Variants in SCN2A observed in about 807,000 individuals in gnomAD.
The protein encoded by SCN2A is sodium voltage-gated channel alpha subunit 2, also known as sodium channel protein type 2 subunit alpha.
A neutral mutation model predicts 188.7 loss-of-function variants in SCN2A; 20 were observed. That is an observed-to-expected ratio of 0.11 (90% CI 0.07 to 0.15). The LOEUF is 0.15. Ranked by LOEUF, SCN2A falls within the 10% of genes least tolerant of loss-of-function variation. The pLI is 1.00. For missense variants in SCN2A, 1,278 were observed against 2,445.0 expected, an observed-to-expected ratio of 0.52 and a Z score of 10.07; for synonymous variants, 804 against 833.1, an observed-to-expected ratio of 0.97 and a Z score of 0.60.
intron 11 of SCN2A, among the ~76,000 whole-genome samples, chr2:165,317,337 A>G (rs937865885): frequency 5.7e-4 from 87 of 151,608 alleles, no homozygotes; most frequent in African/African-American, 1.9e-3. Flanking sequence ...GTCATTCTGA[A>G]AAGGAAGGAA....
chr2:165,316,032 C>T (rs1241119142), intron 11 of SCN2A, among the ~76,000 whole-genome samples: 1 of 152,150 alleles, frequency 6.6e-6, no homozygotes, highest in African/African-American at 2.4e-5. Context: ...AAATTTTCCA[C>T]ATCAGGAATT....
intron 14 of SCN2A, among the ~76,000 whole-genome samples, chr2:165,336,442 A>T (rs1698996565): frequency 6.6e-6 from 1 of 151,998 alleles, no homozygotes; most frequent in Non-Finnish European, 1.5e-5. Flanking sequence ...ACATGAATAA[A>T]CCTTGAATAT....
intron 11 of SCN2A, among the ~76,000 whole-genome samples, chr2:165,316,619 C>T (rs1241827435): frequency 6.6e-6 from 1 of 152,090 alleles, no homozygotes; most frequent in Non-Finnish European, 1.5e-5. Context: ...TTGTTATTTG[C>T]AATATTAATG....
In SCN2A at chr2:165,323,179, C is replaced by A. The variant is rs267598960; in HGVS notation, c.1695C>A (p.Ser565=). ...PHQSLLSIRG[S]LFSPRRNSRA... ...AGTCCTTACTGAGCATCCGTGGCTC[C>A]CTTTTCTCTCCAAGACGCAACAGTA... The change falls in exon 12 of 27, where the codon TCC becomes TCA. Residue 565 remains serine (S), a synonymous_variant. Transcript: ENST00000375437. The A allele has an allele frequency of 6.2e-7, 1 of 1,614,144 alleles. No homozygotes were observed. Among genetic ancestry groups the A allele is most frequent in the Non-Finnish European group, 8.5e-7 (1 of 1,180,032 alleles).
chr2:165,274,128 C>T (rs1451647213), intron 1 of SCN2A: 1 of 151,886 alleles, frequency 6.6e-6, no homozygotes. Context: ...AATACAGAAT[C>T]CAAAATAAAA....
intron 1 of SCN2A, among the ~76,000 whole-genome samples, chr2:165,263,866 A>C (rs1364711258): frequency 2.7e-5 from 4 of 148,520 alleles, no homozygotes; most frequent in Non-Finnish European, 5.9e-5. Flanking sequence ...TCCTTCGTTA[A>C]GTATATTCCT....
chr2:165,373,967 T>TA (rs1166672673), intron 21 of SCN2A, among the ~76,000 whole-genome samples: 2 of 152,126 alleles, frequency 1.3e-5, no homozygotes, highest in South Asian at 2.1e-4. Flanking sequence ...AAGAGGATTT[T>TA]AAAAAAATGA....
At chr2:165,329,684 T>C (rs1698571070) in intron 13 of SCN2A, among the ~76,000 whole-genome samples, 1 of 152,202 alleles carries the variant, frequency 6.6e-6, no homozygotes, top group Admixed American at 6.5e-5. Context: ...AACCATATTA[T>C]GGCAGTATAC....
chr2:165,303,270 G>GTTTTTTTTGTTTTTTTT, intron 3 of SCN2A, among the ~76,000 whole-genome samples: 1 of 91,314 alleles, frequency 1.1e-5, no homozygotes, highest in East Asian at 3.7e-4. Flanking sequence ...TGTTATTTGA[G>GTTTTTTTTGTTTTTTTT]TTTTTTTTTT....
intron 1 of SCN2A, chr2:165,273,608 T>C (rs1333956115): frequency 6.6e-6 from 1 of 152,140 alleles, no homozygotes; most frequent in Admixed American, 6.6e-5. Flanking sequence ...TCTCTCTCTT[T>C]CTCTCTGTCT....
At position 165,244,143 on chromosome 2, in the gene SCN2A, G is replaced by A. The variant is rs141850396; in HGVS notation, c.-52+4503G>A. 9.4e-3 allele frequency among the ~76,000 whole-genome samples: 1,424 copies of A among 152,108 alleles called. 20 individuals carry two copies. The highest frequency in any genetic ancestry group is 0.033 in the African/African-American group (1,351 of 41,494). On this transcript the variant is annotated intron_variant, in intron 1 of 26. Transcript: ENST00000375437. ...TGTAATCCCAGCTACTCCAGAGGCCGGGGCAGGAGAATCACTTAAACCCAG... is the reference window on the plus strand; with the variant it reads ...TGTAATCCCAGCTACTCCAGAGGCCAGGGCAGGAGAATCACTTAAACCCAG...
At chr2:165,338,229 T>C (rs1699105100) in intron 14 of SCN2A, among the ~76,000 whole-genome samples, 1 of 151,982 alleles carries the variant, frequency 6.6e-6, no homozygotes, top group East Asian at 1.9e-4. Context: ...ATTTATAACA[T>C]AGGTAAGTGT....
intron 1 of SCN2A, among the ~76,000 whole-genome samples, chr2:165,286,503 C>T (rs1695836863): frequency 6.6e-6 from 1 of 152,148 alleles, no homozygotes; most frequent in African/African-American, 2.4e-5. Flanking sequence ...TGTAACACAT[C>T]AGAACATCTT....
chr2:165,375,440 C>A (rs1333701811), intron 22 of SCN2A, among the ~76,000 whole-genome samples: 5 of 151,530 alleles, frequency 3.3e-5, no homozygotes, highest in Non-Finnish European at 7.4e-5. Flanking sequence ...TCTATATACA[C>A]ACGTATAGAT....
intron 3 of SCN2A, among the ~76,000 whole-genome samples, chr2:165,298,150 G>T (rs1574529875): frequency 2.0e-5 from 3 of 152,178 alleles, no homozygotes. Context: ...CTCAGATTAG[G>T]ACAGCATGTT....
At chr2:165,343,840 GAATAT>G (rs1699435703) in intron 15 of SCN2A, among the ~76,000 whole-genome samples, 5 of 152,068 alleles carry the variant, frequency 3.3e-5, no homozygotes, top group Admixed American at 6.6e-5. Flanking sequence ...TTTTGTATTT[GAATAT>G]AATATATGTT....
intron 1 of SCN2A, among the ~76,000 whole-genome samples, chr2:165,290,958 C>T (rs979409088): frequency 3.3e-5 from 5 of 151,804 alleles, no homozygotes; most frequent in Non-Finnish European, 7.4e-5. Context: ...GCATTAATTT[C>T]CCCCTTATTC....
chr2:165,323,364 A>G lies in SCN2A; in HGVS notation c.1880A>G (p.Gln627Arg). The G allele has an allele frequency of 6.2e-7, 1 of 1,614,158 alleles. No individual in the cohort carries two copies. Among genetic ancestry groups the G allele is most frequent in the Non-Finnish European group, 8.5e-7 (1 of 1,180,018 alleles). ...HGERRHSNVS[Q>R]ASRASRVLPI... The stretch of plus-strand genomic sequence containing the variant: ...GAACGGCGCCACAGCAATGTCAGCC[A>G]GGCCAGCCGTGCCTCCAGGGTGCTC... The change falls in exon 12 of 27, where the codon CAG becomes CGG. Residue 627 changes from glutamine to arginine, a missense_variant. Around this residue, in one of 17 missense-constraint regions of SCN2A, gnomAD observed 315 missense variants for 386.6 expected, o/e 0.81. Coordinates refer to ENST00000375437, the MANE Select transcript of SCN2A (RefSeq NM_001040142.2).
chr2:165,308,082 T>C, intron 4 of SCN2A, 145 bp downstream of exon 4: 1 of 722,966 alleles, frequency 1.4e-6, no homozygotes, highest in South Asian at 1.5e-5. Flanking sequence ...TGTCACTAAA[T>C]GTCTTCTAGG....
Sources: gnomAD v4.1 joint callset for allele counts (sites outside exome capture counted in the v4.1 genomes callset) on GRCh38, gnomAD v4.1.1 for gene constraint, gnomAD v4.1.1 regional missense constraint, MANE v1.5 for transcripts, NCBI Gene and HGNC (gene_info 2026-07-23, HGNC 2026-07-21) for gene names.